The following RPGRIP1L variants were observed in gnomAD, a reference collection of about 807,000 sequenced individuals.
The protein encoded by RPGRIP1L is RPGRIP1 like.
Under a neutral mutation model 160.4 loss-of-function variants are expected in RPGRIP1L, and 131 were observed. That is an observed-to-expected ratio of 0.82 (90% CI 0.71 to 0.94). The LOEUF (loss-of-function observed/expected upper bound fraction) is 0.94. RPGRIP1L is among the 40% of genes least tolerant of loss of function. RPGRIP1L has a pLI of 0.00. For synonymous variants in RPGRIP1L, 510 were observed against 515.8 expected (o/e 0.99, Z 0.15); for missense variants, 1,522 against 1,535.8 (o/e 0.99, Z 0.15).
At chr16:53,680,100 G>A (rs2151287134) in intron 6 of RPGRIP1L, among the ~76,000 whole-genome samples, 2 of 152,154 alleles carry the variant, frequency 1.3e-5, no homozygotes, top group Admixed American at 1.3e-4. Flanking sequence ...ACTATTATCT[G>A]TGACAATTTC....
chr16:53,644,893 G>T (rs1043927462), intron 17 of RPGRIP1L, among the ~76,000 whole-genome samples: 1 of 151,994 alleles, frequency 6.6e-6, no homozygotes, highest in African/African-American at 2.4e-5. Flanking sequence ...CCACACAAAG[G>T]AATAGAGACC....
intron 14 of RPGRIP1L, among the ~76,000 whole-genome samples, chr16:53,655,049 C>T (rs755527168): frequency 1.3e-5 from 2 of 152,168 alleles, no homozygotes; most frequent in African/African-American, 2.4e-5. Flanking sequence ...AAAGTGTAAT[C>T]TGCCCTTTTC....
chr16:53,641,561 T>G, intron 17 of RPGRIP1L, 86 bp from the exon 18 acceptor site: 1 of 1,185,640 alleles, frequency 8.4e-7, no homozygotes, highest in Non-Finnish European at 1.2e-6. Flanking sequence ...CTCCCTACTT[T>G]AAGAGACTCA....
chr16:53,681,119 T>A (rs77767217), intron 6 of RPGRIP1L, among the ~76,000 whole-genome samples: 2,625 of 152,038 alleles, frequency 0.017, 83 homozygotes, highest in African/African-American at 0.06. Context: ...GAGTGAGCCC[T>A]GAAAGCCAAG....
chr16:53,623,064 T>G (rs187905657), intron 22 of RPGRIP1L, among the ~76,000 whole-genome samples: 230 of 152,336 alleles, frequency 1.5e-3, no homozygotes, highest in African/African-American at 5.2e-3. Flanking sequence ...GTTGAAAGCA[T>G]ATATTTCAGA....
At position 53,657,623 on chromosome 16, in the gene RPGRIP1L, C is replaced by A; in HGVS notation, c.1411G>T (p.Glu471Ter). 6.4e-7 allele frequency: 1 copy of A among 1,562,712 alleles called. No homozygotes were observed. The highest frequency in any genetic ancestry group is 1.2e-5 in the South Asian group (1 of 85,324). The change falls in exon 13 of 27, where the codon GAA becomes TAA. Residue 471 changes from glutamate (E) to a stop codon, truncating the protein, a stop_gained. Transcript: ENST00000647211. LOFTEE classifies it high-confidence loss of function. ...AAGGAAAGGTCTCCATTTTTTTGTT[C>A]TTTTTGAGCCTAAAATAAAAAACAT... ...EALLLIKAQK[E>*]QKNGDLSFLV...
intron 6 of RPGRIP1L, 23 bp from the exon 7 acceptor site, chr16:53,675,145 A>C (rs566975487): frequency 6.5e-7 from 1 of 1,545,904 alleles, no homozygotes; most frequent in East Asian, 2.3e-5. Context: ...GTTTAAGAAA[A>C]AGAGAGACAG....
chr16:53,624,349 G>C (rs1206212800), intron 22 of RPGRIP1L, among the ~76,000 whole-genome samples: 1 of 152,130 alleles, frequency 6.6e-6, no homozygotes, highest in African/African-American at 2.4e-5. Flanking sequence ...TCAGGAGATC[G>C]AGACCATCCT....
intron 10 of RPGRIP1L, among the ~76,000 whole-genome samples, chr16:53,662,785 T>A (rs1022900397): frequency 6.6e-6 from 1 of 152,026 alleles, no homozygotes; most frequent in East Asian, 1.9e-4. Context: ...AAAGTAATAG[T>A]TGCATTAAAA....
intron 14 of RPGRIP1L, chr16:53,653,213 T>C (rs773051155): frequency 6.7e-5 from 46 of 687,332 alleles, no homozygotes; most frequent in Non-Finnish European, 7.9e-5. Flanking sequence ...AGTTTTAATA[T>C]AGCCTAAGCC....
chr16:53,681,138 C>CA (rs1176488469), intron 6 of RPGRIP1L, among the ~76,000 whole-genome samples: 1 of 151,874 alleles, frequency 6.6e-6, no homozygotes, highest in Non-Finnish European at 1.5e-5. Flanking sequence ...AGGCATGGCG[C>CA]AAAAGGCCTC....
In RPGRIP1L at chr16:53,600,813, C is replaced by A. The variant is rs941059455; in HGVS notation, c.*1263G>T. On this transcript the variant is annotated 3_prime_UTR_variant, in exon 27 of 27. Transcript: ENST00000647211. ...GCTTTAATCACACAAAGAGGGAATG[C>A]CTAATTCTCTAAATGAAATGGTCTG... 15 of 152,458 alleles carry A rather than the reference C, an allele frequency of 9.8e-5. No homozygotes were observed. The highest frequency in any genetic ancestry group is 3.6e-4 in the African/African-American group (15 of 41,380). The allele number at this position is 152,458 out of a possible 1,614,324, so 9.4% of individuals were successfully genotyped here. A position where few individuals can be genotyped will look rare whatever the true frequency, so the allele number is the denominator to read the frequency against.
Position 53,658,354 on chromosome 16 carries a change from T to C in RPGRIP1L, c.1401+60A>G. ...ATGTAAGGGTTACAGATAAGGGTCA[T>C]CATTATGCTGAAACAGTTGTATGCA... On this transcript the variant is annotated intron_variant, in intron 12 of 26. Transcript: ENST00000647211. 5 of 1,221,262 alleles carry C rather than the reference T, an allele frequency of 4.1e-6. No individual in the cohort carries two copies. In the South Asian group the frequency reaches 4.8e-5, roughly 12 times the overall value. The allele number at this position is 1,221,262 out of a possible 1,614,324, so 75.7% of individuals were successfully genotyped here. A position where few individuals can be genotyped will look rare whatever the true frequency, so the allele number is the denominator to read the frequency against.
chr16:53,626,705 T>C lies in RPGRIP1L; in HGVS notation c.3295-4349A>G, dbSNP rs768515038. 4.0e-5 allele frequency among the ~76,000 whole-genome samples: 6 copies of C among 150,526 alleles called. No homozygotes were observed. In the South Asian group the frequency reaches 8.4e-4, roughly 21 times the overall value. ...CTGTAATCCCGGCTACTCGGGAGGC[T>C]GAGGCAGGAGAATCGCTTGAACATG... On this transcript the variant is annotated intron_variant, in intron 22 of 26. Transcript: ENST00000647211.
intron 6 of RPGRIP1L, 77 bp downstream of exon 6, chr16:53,686,354 CTT>C: frequency 5.6e-6 from 8 of 1,435,368 alleles, no homozygotes; most frequent in South Asian, 1.2e-5. Flanking sequence ...ACTAGATAAA[CTT>C]ATCCTTTTAT....
At position 53,656,762 on chromosome 16, in the gene RPGRIP1L, C is replaced by G. The variant is rs72803647; in HGVS notation, c.1582-173G>C. On this transcript the variant is annotated intron_variant, in intron 13 of 26. Coordinates refer to ENST00000647211, the MANE Select transcript of RPGRIP1L (RefSeq NM_015272.5). Reference sequence around the variant, plus strand: ...AGAAAATTATGCTTGGCAATATTCACAAATCAGAAGAAAGATAAAACTCCA... The same window carrying G: ...AGAAAATTATGCTTGGCAATATTCAGAAATCAGAAGAAAGATAAAACTCCA... 0.031 allele frequency among the ~76,000 whole-genome samples: 4,791 copies of G among 152,274 alleles called. 159 individuals carry two copies. Among genetic ancestry groups the G allele is most frequent in the East Asian group, 0.14 (701 of 5,176 alleles).
chr16:53,612,066 A>G (rs1331850245), intron 24 of RPGRIP1L, among the ~76,000 whole-genome samples: 1 of 152,182 alleles, frequency 6.6e-6, no homozygotes, highest in Non-Finnish European at 1.5e-5. Context: ...GATGCTATCA[A>G]CTCATTTGTT....
chr16:53,671,878 A>G (rs1239566964), intron 8 of RPGRIP1L, among the ~76,000 whole-genome samples: 2 of 152,124 alleles, frequency 1.3e-5, no homozygotes, highest in Non-Finnish European at 2.9e-5. Flanking sequence ...AGAGCTTGCT[A>G]AGTCCCGGGA....
chr16:53,637,861 A>G lies in RPGRIP1L; in HGVS notation c.3061-7T>C, dbSNP rs1965940741. 6.2e-7 allele frequency: 1 copy of G among 1,611,490 alleles called. No individual in the cohort carries two copies. Among genetic ancestry groups the G allele is most frequent in the Middle Eastern group, 1.7e-4 (1 of 6,054 alleles). On this transcript the variant is annotated splice_polypyrimidine_tract_variant and splice_region_variant and intron_variant, in intron 20 of 26. Transcript: ENST00000647211. ...CACTGCCTTCTTGTGAAACCTGAAG[A>G]AATCAAAGCACACTGGTATATTTAT...
Sources: allele counts gnomAD v4.1 joint callset (sites outside exome capture counted in the v4.1 genomes callset), GRCh38; gene constraint gnomAD v4.1.1; transcripts MANE v1.5; gene names NCBI Gene and HGNC (gene_info 2026-07-23, HGNC 2026-07-21).